Variants in KCP observed in about 807,000 individuals in gnomAD.
The protein encoded by KCP is kielin cysteine rich BMP regulator.
KCP carries 194 observed loss-of-function variants against 212.7 expected under a neutral mutation model. That is an observed-to-expected ratio of 0.91 (90% CI 0.81 to 1.03). KCP has a LOEUF of 1.03. KCP is among the 50% of genes least tolerant of loss of function. The pLI is 0.00. For synonymous variants in KCP, 833 were observed against 865.3 expected, an observed-to-expected ratio of 0.96 and a Z score of 0.65; for missense variants, 2,080 against 2,162.5, an observed-to-expected ratio of 0.96 and a Z score of 0.76.
chr7:128,879,543 C>A lies in KCP; in HGVS notation c.4125G>T (p.Leu1375=). The A allele has an allele frequency of 6.5e-7, 1 of 1,549,974 alleles. No homozygotes were observed. Among genetic ancestry groups the A allele is most frequent in the Non-Finnish European group, 8.7e-7 (1 of 1,146,746 alleles). ...YVELRGHTVI[L]HAQPGLQVLW... ...GCACCTGGAGCCCGGGCTGGGCGTGCAGGATCACAGTGTGTCCTCGCAGCT... is the reference window on the plus strand; with the variant it reads ...GCACCTGGAGCCCGGGCTGGGCGTGAAGGATCACAGTGTGTCCTCGCAGCT... The change falls in exon 37 of 40, where the codon CTG becomes CTT. Residue 1375 remains leucine, a synonymous_variant. Transcript: ENST00000610776.
intron 1 of KCP, 121 bp downstream of exon 1, chr7:128,910,480 C>T: frequency 2.2e-6 from 2 of 929,296 alleles, no homozygotes; most frequent in Non-Finnish European, 3.0e-6. Context: ...CAGGGAGGCG[C>T]GCGAACCTCA....
rs559052866 is a variant in KCP at position 128,878,119 on chromosome 7, C to T, written c.4312-329G>A. Among the ~76,000 whole-genome samples, 5 of 150,800 alleles carry T rather than the reference C, an allele frequency of 3.3e-5. No individual in the cohort carries two copies. In the East Asian group the frequency reaches 7.8e-4, roughly 24 times the overall value. ...TTGCTCAGGCTGGAGTGCAGTGGCA[C>T]GATCTCAGCTCACCACAACTTCCAC... On this transcript the variant is annotated intron_variant, in intron 38 of 39. Coordinates refer to ENST00000610776, the MANE Select transcript of KCP (RefSeq NM_001366122.1).
chr7:128,882,744 TACC>T (rs1336066346), intron 29 of KCP, among the ~76,000 whole-genome samples: 3 of 145,882 alleles, frequency 2.1e-5, no homozygotes, highest in African/African-American at 8.1e-5. Context: ...TTTAGTGTCT[TACC>T]ACCATAAAAA....
chr7:128,888,222 A>C (rs934953995), intron 22 of KCP, among the ~76,000 whole-genome samples: 7 of 151,712 alleles, frequency 4.6e-5, no homozygotes, highest in Non-Finnish European at 1.0e-4. Context: ...AGCCACACAC[A>C]CAGATACACA....
At chr7:128,887,902 T>TACACATACACACCCACACACAC (rs1793781448) in intron 22 of KCP, among the ~76,000 whole-genome samples, 13 of 109,070 alleles carry the variant, frequency 1.2e-4, no homozygotes, top group African/African-American at 4.8e-4. Flanking sequence ...CGCACACACA[T>TACACATACACACCCACACACAC]ACACATACAC....
intron 22 of KCP, among the ~76,000 whole-genome samples, chr7:128,888,485 CAG>C (rs1396309209): frequency 6.6e-6 from 1 of 151,604 alleles, no homozygotes; most frequent in Non-Finnish European, 1.5e-5. Context: ...CACAGATACA[CAG>C]ATACACCCAC....
Position 128,888,241 on chromosome 7 carries a change from T to C in KCP, c.2512+622A>G, listed in dbSNP as rs901554067. Among the ~76,000 whole-genome samples the C allele has an allele frequency of 2.3e-5, 3 of 127,946 alleles. No individual in the cohort carries two copies. In the East Asian group the frequency reaches 7.2e-4, roughly 31 times the overall value. 83.9% of individuals were successfully genotyped at this position (127,946 alleles called of 152,430 possible). A position where few individuals can be genotyped will look rare whatever the true frequency, so the allele number is the denominator to read the frequency against. On this transcript the variant is annotated intron_variant, in intron 22 of 39. Coordinates refer to ENST00000610776, the MANE Select transcript of KCP (RefSeq NM_001366122.1). ...ACACACACAGATACACAGACACACA[T>C]ACGGTCACACACACACGTACACAGA... is the stretch of plus-strand genomic sequence containing the variant.
chr7:128,894,041 C>A lies in KCP; in HGVS notation c.940G>T (p.Gly314Trp), dbSNP rs755304656. 1.4e-5 allele frequency: 22 copies of A among 1,549,818 alleles called. No individual in the cohort carries two copies. The highest frequency in any genetic ancestry group is 3.9e-5 in the Admixed American group (2 of 50,970). The change falls in exon 10 of 40, where the codon GGG becomes TGG. Residue 314 changes from glycine (G) to tryptophan (W), a missense_variant. Gly to Trp is a radical substitution (Grantham distance 184). Coordinates refer to ENST00000610776, the MANE Select transcript of KCP (RefSeq NM_001366122.1). ...CPVCDGCFLN[G>W]REHRSGEPVG... is the part of the protein sequence containing the mutation. ...GGCTCCCCGCTGCGGTGCTCCCGCCCGTTTAGGAAACAGCCTGTTGGGAAG... is the reference window on the plus strand; with the variant it reads ...GGCTCCCCGCTGCGGTGCTCCCGCCAGTTTAGGAAACAGCCTGTTGGGAAG...
intron 8 of KCP, among the ~76,000 whole-genome samples, chr7:128,895,233 C>T (rs1388646198): frequency 6.6e-6 from 1 of 152,168 alleles, no homozygotes; most frequent in African/African-American, 2.4e-5. Context: ...GTCACTTAAG[C>T]TCTCTGTGAC....
chr7:128,900,572 T>A (rs1794788404), intron 8 of KCP, among the ~76,000 whole-genome samples: 2 of 152,260 alleles, frequency 1.3e-5, no homozygotes, highest in South Asian at 4.1e-4. Context: ...TGCTTTACTC[T>A]TGTGGAATAT....
At chr7:128,884,269 A>T in intron 28 of KCP, 147 bp from the exon 29 acceptor site, 1 of 982,508 alleles carries the variant, frequency 1.0e-6, no homozygotes, top group South Asian at 1.7e-5. Flanking sequence ...AGAGAGACTC[A>T]GTGTCTTCTA....
At position 128,903,789 on chromosome 7, in the gene KCP, C is replaced by T. The variant is rs1794979848; in HGVS notation, c.686G>A (p.Cys229Tyr). 1 of 1,545,840 alleles carries T rather than the reference C, an allele frequency of 6.5e-7. No individual in the cohort carries two copies. Among genetic ancestry groups the T allele is most frequent in the Non-Finnish European group, 8.7e-7 (1 of 1,143,810 alleles). ...RSRVRCMALK[C>Y]PPSPCPEPVL... is the part of the protein sequence containing the mutation. ...TGGCTCTGGGCAGGGGCTAGGCGGG[C>T]ACTTCAGGGCCATGCAGCGAACTCG... Residue 229 changes from cysteine to tyrosine, a missense_variant, in exon 7 of 40, where the codon TGC becomes TAC. Transcript: ENST00000610776.
Position 128,891,040 on chromosome 7 carries a change from C to T in KCP, c.2029G>A (p.Glu677Lys). 7.3e-7 allele frequency: 1 copy of T among 1,375,020 alleles called. No homozygotes were observed. The highest frequency in any genetic ancestry group is 1.7e-5 in the South Asian group (1 of 58,878). 85.2% of individuals were successfully genotyped at this position (1,375,020 alleles called of 1,614,324 possible). The change falls in exon 20 of 40, where the codon GAG becomes AAG. Residue 677 changes from glutamate (E) to lysine (K), a missense_variant. Glu to Lys is a moderately conservative substitution (Grantham distance 56). Transcript: ENST00000610776. ...GGATCGCCGGGCGGGGAGAAGTACT[C>T]CTGGTGGCGGGCGTGGGCCGCGCCG... ...RPGAAHARHQEYFSPPGDPCR... is the reference protein window; with the variant it reads ...RPGAAHARHQKYFSPPGDPCR...
intron 8 of KCP, 87 bp from the exon 9 acceptor site, chr7:128,894,380 TAG>T: frequency 9.4e-7 from 1 of 1,068,468 alleles, no homozygotes; most frequent in Non-Finnish European, 1.3e-6. Context: ...ATCCACTTAT[TAG>T]ATGTGTTTAT....
chr7:128,904,512 T>C, intron 5 of KCP: 1 of 712,630 alleles, frequency 1.4e-6, no homozygotes, highest in Non-Finnish European at 2.3e-6. Flanking sequence ...TCTGCAGGCC[T>C]AGCAGGCTTC....
rs772885225 is a variant in KCP at position 128,884,052 on chromosome 7, G to T, written c.3194C>A (p.Pro1065His). The part of the protein sequence containing the change: ...RQCPSLVGCP[P>H]SQLLPPGPQH... ...GGGCCCAGGGGGCAGGAGCTGGCTG[G>T]GGGGGCAGCCCACCAGGCTGGGACA... The change falls in exon 29 of 40, where the codon CCC becomes CAC. Residue 1065 changes from proline (P) to histidine (H), a missense_variant. Coordinates refer to ENST00000610776, the MANE Select transcript of KCP (RefSeq NM_001366122.1). The T allele has an allele frequency of 1.4e-5, 22 of 1,546,252 alleles. No individual in the cohort carries two copies. In the South Asian group the frequency reaches 2.4e-4, roughly 17 times the overall value.
intron 21 of KCP, among the ~76,000 whole-genome samples, chr7:128,889,695 A>C (rs1313227084): frequency 6.6e-6 from 1 of 152,212 alleles, no homozygotes; most frequent in Non-Finnish European, 1.5e-5. Context: ...AAATTAAATT[A>C]ATAAGTGAGT....
intron 1 of KCP, 93 bp from the exon 2 acceptor site, chr7:128,908,661 G>C: frequency 7.3e-7 from 1 of 1,373,290 alleles, no homozygotes; most frequent in Non-Finnish European, 9.9e-7. Flanking sequence ...CAGGGGAAGG[G>C]GGTCATCCTG....
At chr7:128,880,262 T>G in intron 34 of KCP, 124 bp downstream of exon 34, 1 of 1,346,976 alleles carries the variant, frequency 7.4e-7, no homozygotes. Context: ...GGAACAGCAC[T>G]GTCCCCAGCT....
Sources: allele counts gnomAD v4.1 joint callset (sites outside exome capture counted in the v4.1 genomes callset), GRCh38; gene constraint gnomAD v4.1.1; transcripts MANE v1.5; gene names NCBI Gene and HGNC (gene_info 2026-07-23, HGNC 2026-07-21).